The following YWHAQ variants were observed in gnomAD, a reference collection of about 807,000 sequenced individuals.
YWHAQ encodes the protein tyrosine 3-monooxygenase/tryptophan 5-monooxygenase activation protein theta.
YWHAQ carries 6 observed loss-of-function variants against 28.3 expected under a neutral mutation model. That is an observed-to-expected ratio of 0.21 (90% CI 0.12 to 0.42). The LOEUF is 0.42. YWHAQ is among the 10% of genes least tolerant of loss of function. YWHAQ has a pLI of 1.00. For synonymous variants in YWHAQ, 143 were observed against 119.1 expected, an observed-to-expected ratio of 1.20 and a Z score of -1.31; for missense variants, 201 against 305.6, an observed-to-expected ratio of 0.66 and a Z score of 2.55.
chr2:9,603,881 C>T (rs1198499328), intron 2 of YWHAQ, among the ~76,000 whole-genome samples: 5 of 152,010 alleles, frequency 3.3e-5, no homozygotes, highest in Admixed American at 2.0e-4. Flanking sequence ...GCTGAGATCA[C>T]GCCACTGCAC....
intron 3 of YWHAQ, among the ~76,000 whole-genome samples, chr2:9,589,571 A>T (rs538339628): frequency 6.6e-6 from 1 of 152,126 alleles, no homozygotes; most frequent in African/African-American, 2.4e-5. Flanking sequence ...CAACAAGAGC[A>T]AAACTCCATT....
intron 2 of YWHAQ, among the ~76,000 whole-genome samples, chr2:9,598,254 C>G (rs894136027): frequency 6.6e-6 from 1 of 152,124 alleles, no homozygotes; most frequent in African/African-American, 2.4e-5. Context: ...ATCCTTGTAT[C>G]CACAAGGTTA....
chr2:9,610,517 C>CT (rs367711814), intron 2 of YWHAQ, among the ~76,000 whole-genome samples: 25 of 151,988 alleles, frequency 1.6e-4, no homozygotes, highest in African/African-American at 5.3e-4. Context: ...AAACTTTACT[C>CT]TTTTTTTTGA....
chr2:9,587,212 G>T (rs977352905), intron 5 of YWHAQ, among the ~76,000 whole-genome samples: 2 of 152,120 alleles, frequency 1.3e-5, no homozygotes, highest in Non-Finnish European at 2.9e-5. Context: ...TATCATGTTA[G>T]AACCTTCTCA....
At chr2:9,591,968 T>C (rs995633334) in intron 2 of YWHAQ, among the ~76,000 whole-genome samples, 5 of 152,010 alleles carry the variant, frequency 3.3e-5, no homozygotes, top group African/African-American at 7.2e-5. Context: ...ACAGATGGAG[T>C]AGCTCTGCTG....
intron 5 of YWHAQ, among the ~76,000 whole-genome samples, chr2:9,585,736 G>A (rs566005902): frequency 1.3e-4 from 20 of 152,054 alleles, no homozygotes; most frequent in South Asian, 6.2e-4. Flanking sequence ...AAGATCCCAC[G>A]TCTACAAAAA....
chr2:9,628,000 G>GT (rs1667283158), intron 2 of YWHAQ, among the ~76,000 whole-genome samples: 1 of 152,128 alleles, frequency 6.6e-6, no homozygotes, highest in Admixed American at 6.5e-5. Flanking sequence ...GAATATTGTG[G>GT]TATTTATGTT....
intron 2 of YWHAQ, among the ~76,000 whole-genome samples, chr2:9,611,999 C>T (rs1024322886): frequency 3.9e-5 from 6 of 152,190 alleles, no homozygotes; most frequent in African/African-American, 1.4e-4. Context: ...CTTATTTCTA[C>T]CAATTATTCC....
intron 2 of YWHAQ, among the ~76,000 whole-genome samples, chr2:9,597,099 G>A (rs918234277): frequency 1.2e-4 from 18 of 152,268 alleles, no homozygotes; most frequent in African/African-American, 4.3e-4. Context: ...TCAAGTGTCT[G>A]TCTCTGTAAC....
At chr2:9,596,293 A>G (rs1277295833) in intron 2 of YWHAQ, among the ~76,000 whole-genome samples, 1 of 152,094 alleles carries the variant, frequency 6.6e-6, no homozygotes, top group African/African-American at 2.4e-5. Context: ...TAACTATTGT[A>G]TAAAACAATC....
intron 2 of YWHAQ, among the ~76,000 whole-genome samples, chr2:9,606,124 C>A (rs1471653485): frequency 2.0e-5 from 3 of 152,138 alleles, no homozygotes; most frequent in Non-Finnish European, 4.4e-5. Flanking sequence ...TTGGTATTTC[C>A]AACTATGCAC....
intron 2 of YWHAQ, among the ~76,000 whole-genome samples, chr2:9,600,985 G>C (rs1031866395): frequency 2.0e-5 from 3 of 152,328 alleles, no homozygotes; most frequent in Admixed American, 6.5e-5. Context: ...ACAGTATAGT[G>C]TAAGCATGAC....
chr2:9,623,512 G>A (rs1317775569), intron 2 of YWHAQ, among the ~76,000 whole-genome samples: 1 of 152,196 alleles, frequency 6.6e-6, no homozygotes, highest in Non-Finnish European at 1.5e-5. Flanking sequence ...AGTGGCTCAC[G>A]CCTATAATCC....
At chr2:9,627,758 T>C (rs1233582967) in intron 2 of YWHAQ, among the ~76,000 whole-genome samples, 3 of 152,192 alleles carry the variant, frequency 2.0e-5, no homozygotes, top group African/African-American at 4.8e-5. Context: ...GATGGCTGCC[T>C]TCCTTTCCAG....
At position 9,585,077 on chromosome 2, in the gene YWHAQ, T is replaced by C; in HGVS notation, c.*209A>G. ...ATATGAAATGAAGCTATTAATACTT[T>C]TCTACAGCAGTACTGCACACCAGGA... On this transcript the variant is annotated 3_prime_UTR_variant, in exon 6 of 6. Transcript: ENST00000238081. 1.7e-6 allele frequency: 1 copy of C among 577,778 alleles called. No homozygotes were observed. The highest frequency in any genetic ancestry group is 3.1e-6 in the Non-Finnish European group (1 of 318,940). 35.8% of individuals were successfully genotyped at this position (577,778 alleles called of 1,614,324 possible).
chr2:9,588,275 T>C lies in YWHAQ; in HGVS notation c.472A>G (p.Lys158Glu), dbSNP rs199515928. The C allele has an allele frequency of 6.2e-7, 1 of 1,610,102 alleles. No homozygotes were observed. The highest frequency in any genetic ancestry group is 8.5e-7 in the Non-Finnish European group (1 of 1,179,140). Residue 158 changes from lysine to glutamate, a missense_variant, in exon 4 of 6, where the codon AAA (lysine) becomes GAA (glutamate). This residue lies in a region of YWHAQ where 162 missense variants were observed against 213.9 expected (regional missense o/e 0.76). Coordinates refer to ENST00000238081, the MANE Select transcript of YWHAQ (RefSeq NM_006826.4). Reference sequence around the variant, plus strand: ...ATTGGGTGTGTGGGTTGCATCTCTTTCTTGCTTATATCAAATGCCTCTTGG... The same window carrying C: ...ATTGGGTGTGTGGGTTGCATCTCTTCCTTGCTTATATCAAATGCCTCTTGG... ...AYQEAFDISKKEMQPTHPIRL... is the reference protein window; with the variant it reads ...AYQEAFDISKEEMQPTHPIRL...
At chr2:9,594,021 T>C (rs974538940) in intron 2 of YWHAQ, among the ~76,000 whole-genome samples, 19 of 150,296 alleles carry the variant, frequency 1.3e-4, no homozygotes, top group African/African-American at 4.7e-4. Context: ...AAAATTAGTA[T>C]AAAATTATGT....
chr2:9,613,259 A>C (rs1260187021), intron 2 of YWHAQ, among the ~76,000 whole-genome samples: 1 of 152,232 alleles, frequency 6.6e-6, no homozygotes, highest in East Asian at 1.9e-4. Context: ...ACTAAAAATC[A>C]CATCACATAA....
intron 2 of YWHAQ, among the ~76,000 whole-genome samples, chr2:9,620,981 T>G (rs1667131139): frequency 6.6e-6 from 1 of 152,196 alleles, no homozygotes; most frequent in African/African-American, 2.4e-5. Flanking sequence ...AGGTCTCCCC[T>G]ATATCCTTTG....
Sources: gnomAD v4.1 joint callset for allele counts (sites outside exome capture counted in the v4.1 genomes callset) on GRCh38, gnomAD v4.1.1 for gene constraint, gnomAD v4.1.1 regional missense constraint, MANE v1.5 for transcripts, NCBI Gene and HGNC (gene_info 2026-07-23, HGNC 2026-07-21) for gene names.